The following UBE2E2 variants were observed in gnomAD, a reference collection of about 807,000 sequenced individuals.
The protein encoded by UBE2E2 is ubiquitin conjugating enzyme E2 E2.
UBE2E2 carries 6 observed loss-of-function variants against 24.7 expected under a neutral mutation model. That is an observed-to-expected ratio of 0.24 (90% CI 0.13 to 0.48). UBE2E2 has a LOEUF of 0.48. Among genes scored for constraint, UBE2E2 ranks in the 20% least tolerant of loss-of-function variants. The pLI is 0.99. For missense variants in UBE2E2, 169 were observed against 245.0 expected, an observed-to-expected ratio of 0.69 and a Z score of 2.07; for synonymous variants, 104 against 83.6, an observed-to-expected ratio of 1.24 and a Z score of -1.33.
intron 3 of UBE2E2, among the ~76,000 whole-genome samples, chr3:23,241,760 CACTT>C (rs373047618): frequency 8.1e-4 from 123 of 152,288 alleles, no homozygotes; most frequent in African/African-American, 2.3e-3. Flanking sequence ...ATCTGAAAGA[CACTT>C]ACAGTTTGAA....
intron 3 of UBE2E2, among the ~76,000 whole-genome samples, chr3:23,278,517 TTAC>T (rs1226701003): frequency 1.3e-5 from 2 of 152,064 alleles, no homozygotes; most frequent in Non-Finnish European, 2.9e-5. Flanking sequence ...TCCAGAAGAG[TTAC>T]TTTGAGGAGT....
intron 2 of UBE2E2, among the ~76,000 whole-genome samples, chr3:23,213,765 T>A (rs1006170254): frequency 2.0e-5 from 3 of 152,208 alleles, no homozygotes; most frequent in African/African-American, 7.2e-5. Context: ...TTAGTTTTCC[T>A]TGCCTTTTAA....
chr3:23,546,706 C>G (rs1170756479), intron 5 of UBE2E2, among the ~76,000 whole-genome samples: 1 of 151,972 alleles, frequency 6.6e-6, no homozygotes, highest in African/African-American at 2.4e-5. Context: ...CTCCCAACCT[C>G]AGGTGATCCG....
At chr3:23,369,804 T>C (rs1696352933) in intron 3 of UBE2E2, among the ~76,000 whole-genome samples, 1 of 152,234 alleles carries the variant, frequency 6.6e-6, no homozygotes, top group Non-Finnish European at 1.5e-5. Flanking sequence ...TGTTTTTATA[T>C]ACCCTGAAAG....
intron 3 of UBE2E2, among the ~76,000 whole-genome samples, chr3:23,454,276 A>T (rs1332900131): frequency 6.6e-6 from 1 of 152,240 alleles, no homozygotes; most frequent in Non-Finnish European, 1.5e-5. Context: ...ATTAGTTATT[A>T]ACTTACAGTA....
At chr3:23,295,736 T>G (rs1184246713) in intron 3 of UBE2E2, among the ~76,000 whole-genome samples, 4 of 152,212 alleles carry the variant, frequency 2.6e-5, no homozygotes, top group African/African-American at 9.6e-5. Flanking sequence ...TTGGATTTGT[T>G]GTATACATTG....
chr3:23,417,427 A>G (rs1227507594), intron 3 of UBE2E2, among the ~76,000 whole-genome samples: 2 of 152,114 alleles, frequency 1.3e-5, no homozygotes, highest in Non-Finnish European at 2.9e-5. Flanking sequence ...TGGAAGCTTC[A>G]TCCCAGAGGG....
At chr3:23,573,772 T>G (rs1336453687) in intron 5 of UBE2E2, among the ~76,000 whole-genome samples, 1 of 152,214 alleles carries the variant, frequency 6.6e-6, no homozygotes, top group Non-Finnish European at 1.5e-5. Context: ...GTCAGCTGAT[T>G]AAAAGCGTGG....
intron 3 of UBE2E2, among the ~76,000 whole-genome samples, chr3:23,420,063 AAGAG>A (rs1242499410): frequency 6.6e-6 from 1 of 152,236 alleles, no homozygotes; most frequent in Non-Finnish European, 1.5e-5. Context: ...ACAGATGCCT[AAGAG>A]AGAGAGTCTA....
intron 3 of UBE2E2, among the ~76,000 whole-genome samples, chr3:23,331,513 G>A (rs1011549112): frequency 2.0e-5 from 3 of 151,766 alleles, no homozygotes; most frequent in Non-Finnish European, 2.9e-5. Context: ...GCAGGGAGGG[G>A]GGTAAGGTGG....
intron 5 of UBE2E2, among the ~76,000 whole-genome samples, chr3:23,534,904 T>C (rs529787673): frequency 6.6e-6 from 1 of 152,354 alleles, no homozygotes; most frequent in Non-Finnish European, 1.5e-5. Flanking sequence ...TGTATAATGA[T>C]ACAAATTTAA....
chr3:23,558,548 A>G (rs1363545470), intron 5 of UBE2E2, among the ~76,000 whole-genome samples: 1 of 121,376 alleles, frequency 8.2e-6, no homozygotes, highest in Non-Finnish European at 1.8e-5. Flanking sequence ...ACTTATCAGC[A>G]GATTTTTTTC....
At chr3:23,295,051 C>T (rs934391288) in intron 3 of UBE2E2, among the ~76,000 whole-genome samples, 20 of 152,104 alleles carry the variant, frequency 1.3e-4, no homozygotes, top group African/African-American at 4.8e-4. Context: ...AAATGATAAA[C>T]CTATTTACAT....
Position 23,589,468 on chromosome 3 carries a change from T to G in UBE2E2, c.509-266T>G, listed in dbSNP as rs1238698935. Among the ~76,000 whole-genome samples the G allele has an allele frequency of 6.7e-6, 1 of 149,426 alleles. No individual in the cohort carries two copies. The highest frequency in any genetic ancestry group is 1.5e-5 in the Non-Finnish European group (1 of 67,530). On this transcript the variant is annotated intron_variant, in intron 5 of 5. Coordinates refer to ENST00000396703, the MANE Select transcript of UBE2E2 (RefSeq NM_152653.4). The surrounding 1 kb of genome is among the most constrained non-coding windows in gnomAD (Gnocchi z 4.1). ...AATACGAGGGGAGCAAGGTGAGAAG[T>G]ATGTGGTGGGTACAGGGAAAGAGAA...
intron 3 of UBE2E2, among the ~76,000 whole-genome samples, chr3:23,226,605 A>G (rs1696833062): frequency 6.6e-6 from 1 of 152,168 alleles, no homozygotes; most frequent in Non-Finnish European, 1.5e-5. Context: ...TGGAAAGGTA[A>G]AAGGAAATAG....
chr3:23,431,400 G>C (rs1247040475), intron 3 of UBE2E2, among the ~76,000 whole-genome samples: 1 of 152,120 alleles, frequency 6.6e-6, no homozygotes, highest in Non-Finnish European at 1.5e-5. Context: ...GAAAGCCACA[G>C]AAGTAGTAGG....
At chr3:23,377,604 A>G (rs906444244) in intron 3 of UBE2E2, among the ~76,000 whole-genome samples, 1 of 152,176 alleles carries the variant, frequency 6.6e-6, no homozygotes. Context: ...CTGGTGAAAG[A>G]TGCTTTTAGG....
At chr3:23,580,032 A>T (rs1049586600) in intron 5 of UBE2E2, among the ~76,000 whole-genome samples, 1 of 152,244 alleles carries the variant, frequency 6.6e-6, no homozygotes, top group African/African-American at 2.4e-5. Context: ...TCTTATGAAC[A>T]AACTTGAACA....
chr3:23,510,231 C>A (rs541489715), intron 4 of UBE2E2, among the ~76,000 whole-genome samples: 2 of 152,260 alleles, frequency 1.3e-5, no homozygotes, highest in East Asian at 3.9e-4. Context: ...ACCACCTGTC[C>A]TTTCGCAGGT....
Sources: gnomAD v4.1 joint callset for allele counts (sites outside exome capture counted in the v4.1 genomes callset) on GRCh38, gnomAD v4.1.1 for gene constraint, Gnocchi (gnomAD v3.1) non-coding constraint, MANE v1.5 for transcripts, NCBI Gene and HGNC (gene_info 2026-07-23, HGNC 2026-07-21) for gene names.